The following PALM2AKAP2 variants were observed in gnomAD, a reference collection of about 807,000 sequenced individuals.
PALM2AKAP2 encodes the protein PALM2 and AKAP2 fusion, also known as PALM2-AKAP2 fusion protein.
In PALM2AKAP2, 37 loss-of-function variants were observed where a neutral mutation model predicts 71.5. The observed-to-expected ratio is 0.52, with a 90% CI of 0.40 to 0.68. The LOEUF (loss-of-function observed/expected upper bound fraction) is 0.68. Among genes scored for constraint, PALM2AKAP2 ranks in the 30% least tolerant of loss-of-function variants. PALM2AKAP2 has a pLI of 0.00. For missense variants in PALM2AKAP2, 1,224 were observed against 1,191.8 expected (o/e 1.03, Z -0.40); for synonymous variants, 468 against 478.8 (o/e 0.98, Z 0.29).
rs186017625 is a variant in PALM2AKAP2, at chr9:109,712,680, G to A, written c.6-67808G>A. Among the ~76,000 whole-genome samples, 414 of 152,312 alleles carry A rather than the reference G, an allele frequency of 2.7e-3. 2 individuals are homozygous for A. Among genetic ancestry groups the A allele is most frequent in the African/African-American group, 9.6e-3 (398 of 41,560 alleles). Reference sequence around the variant, plus strand: ...TTGGAAGTTTAGGTGTTAGTAGAAGGAGGCACAGAGGCTTGGAGTTACAGA... The same window carrying A: ...TTGGAAGTTTAGGTGTTAGTAGAAGAAGGCACAGAGGCTTGGAGTTACAGA... On this transcript the variant is annotated intron_variant, in intron 1 of 6. Transcript: ENST00000374531.
intron 1 of PALM2AKAP2, among the ~76,000 whole-genome samples, chr9:109,649,658 A>G (rs1215401736): frequency 6.6e-6 from 1 of 152,218 alleles, no homozygotes; most frequent in Non-Finnish European, 1.5e-5. Context: ...TATAGAATCT[A>G]TGCATGTTAA....
At chr9:110,130,266 A>G (rs1285932470) in intron 1 of PALM2AKAP2, among the ~76,000 whole-genome samples, 1 of 152,238 alleles carries the variant, frequency 6.6e-6, no homozygotes, top group Non-Finnish European at 1.5e-5. Context: ...AGTCCTGCTT[A>G]TGAAGGAGTT....
At chr9:109,808,309 C>T (rs1423577686) in intron 1 of PALM2AKAP2, among the ~76,000 whole-genome samples, 1 of 152,144 alleles carries the variant, frequency 6.6e-6, no homozygotes, top group Non-Finnish European at 1.5e-5. Flanking sequence ...CAATAAAGTC[C>T]AGGCTGACGT....
chr9:109,665,920 G>T (rs375394873), intron 1 of PALM2AKAP2, among the ~76,000 whole-genome samples: 4 of 152,170 alleles, frequency 2.6e-5, no homozygotes, highest in African/African-American at 4.8e-5. Context: ...CCCCAGCCAG[G>T]CTGCTGTCTC....
chr9:109,720,235 T>C (rs1214610740), intron 1 of PALM2AKAP2, among the ~76,000 whole-genome samples: 3 of 152,172 alleles, frequency 2.0e-5, no homozygotes, highest in African/African-American at 7.2e-5. Flanking sequence ...GTCATCTGCC[T>C]GCCTTGGCTT....
rs141554215 is a variant in PALM2AKAP2 at position 110,162,899 on chromosome 9, C to T, written c.2749-5500C>T. Among the ~76,000 whole-genome samples the T allele has an allele frequency of 8.4e-3, 1,277 of 151,658 alleles. 5 individuals are homozygous for T. The highest frequency in any genetic ancestry group is 0.022 in the South Asian group (103 of 4,784). The stretch of plus-strand genomic sequence containing the variant: ...TTTTTTTATATTTTTTTTGTAGGGA[C>T]GGGGGTCTCGCTATGTTGCCCAGGC... On this transcript the variant is annotated intron_variant, in intron 3 of 3. Coordinates refer to ENST00000374525, the Ensembl canonical transcript of PALM2AKAP2.
chr9:110,101,771 T>C (rs1835006959), intron 1 of PALM2AKAP2, among the ~76,000 whole-genome samples: 1 of 152,212 alleles, frequency 6.6e-6, no homozygotes, highest in South Asian at 2.1e-4. Context: ...GTAAGGGAAT[T>C]TCAGCTGAGG....
chr9:109,788,421 G>A (rs1357941691), intron 1 of PALM2AKAP2, among the ~76,000 whole-genome samples: 1 of 152,186 alleles, frequency 6.6e-6, no homozygotes, highest in Non-Finnish European at 1.5e-5. Flanking sequence ...GTATAGAACA[G>A]TAATTCTCAA....
intron 1 of PALM2AKAP2, among the ~76,000 whole-genome samples, chr9:109,787,255 C>T (rs1826997154): frequency 6.6e-6 from 1 of 152,138 alleles, no homozygotes; most frequent in African/African-American, 2.4e-5. Context: ...TGTGATGGTT[C>T]TTTTAGAGGT....
chr9:110,119,006 C>T (rs947560363), intron 1 of PALM2AKAP2, among the ~76,000 whole-genome samples: 3 of 152,096 alleles, frequency 2.0e-5, no homozygotes, highest in Non-Finnish European at 2.9e-5. Flanking sequence ...TATCATAGAG[C>T]TGGGAGTTCT....
At chr9:110,019,501 G>A (rs959275423) in intron 7 of PALM2AKAP2, among the ~76,000 whole-genome samples, 5 of 152,142 alleles carry the variant, frequency 3.3e-5, no homozygotes, top group Non-Finnish European at 7.3e-5. Flanking sequence ...TCACACTCAT[G>A]TTTTCTGTAG....
intron 1 of PALM2AKAP2, among the ~76,000 whole-genome samples, chr9:109,813,993 A>G (rs1038862195): frequency 4.6e-5 from 7 of 152,066 alleles, no homozygotes; most frequent in African/African-American, 1.7e-4. Context: ...TCACTCCCAC[A>G]TTCTGGACTC....
intron 1 of PALM2AKAP2, among the ~76,000 whole-genome samples, chr9:109,725,574 G>A (rs1029171638): frequency 8.5e-5 from 13 of 152,152 alleles, no homozygotes; most frequent in African/African-American, 1.7e-4. Context: ...GGTATGACTC[G>A]TAAGAAAAAG....
chr9:109,833,652 A>C (rs908138192), intron 1 of PALM2AKAP2, among the ~76,000 whole-genome samples: 4 of 152,174 alleles, frequency 2.6e-5, no homozygotes, highest in Non-Finnish European at 5.9e-5. Flanking sequence ...TGGTGGGACA[A>C]TTCTTCACTG....
intron 1 of PALM2AKAP2, among the ~76,000 whole-genome samples, chr9:109,783,076 G>A (rs1305797748): frequency 6.6e-6 from 1 of 152,074 alleles, no homozygotes; most frequent in East Asian, 1.9e-4. Flanking sequence ...AGAATCGACT[G>A]GGATTCCAGT....
chr9:110,162,873 A>AT (rs954090766), intron 3 of PALM2AKAP2, among the ~76,000 whole-genome samples: 1 of 151,648 alleles, frequency 6.6e-6, no homozygotes, highest in African/African-American at 2.4e-5. Flanking sequence ...CAGCTAATTT[A>AT]TTTTTTTATA....
At chr9:109,737,563 C>T (rs1828655659) in intron 1 of PALM2AKAP2, among the ~76,000 whole-genome samples, 1 of 152,172 alleles carries the variant, frequency 6.6e-6, no homozygotes, top group African/African-American at 2.4e-5. Flanking sequence ...AAGAAGCAAG[C>T]CAGGCACACA....
At position 109,813,123 on chromosome 9, in the gene PALM2AKAP2, C is replaced by T. The variant is rs576056708; in HGVS notation, c.45+32590C>T. Among the ~76,000 whole-genome samples, 22 of 152,318 alleles carry T rather than the reference C, an allele frequency of 1.4e-4. No homozygotes were observed. In the South Asian group the frequency reaches 4.4e-3, roughly 30 times the overall value. ...ATAGCAGCTGAAAACATTTCCAGAGCAGATCAGATAAAGCCAAGTTAGAAA... is the reference window on the plus strand; with the variant it reads ...ATAGCAGCTGAAAACATTTCCAGAGTAGATCAGATAAAGCCAAGTTAGAAA... On this transcript the variant is annotated intron_variant, in intron 1 of 9. Coordinates refer to the PALM2AKAP2 transcript ENST00000302798.
intron 7 of PALM2AKAP2, among the ~76,000 whole-genome samples, chr9:110,022,798 A>C (rs1238047715): frequency 6.7e-6 from 1 of 150,250 alleles, no homozygotes; most frequent in African/African-American, 2.5e-5. Context: ...CTCATTGTTC[A>C]GTTCCCACCT....
Sources: allele counts gnomAD v4.1 joint callset (sites outside exome capture counted in the v4.1 genomes callset), GRCh38; gene constraint gnomAD v4.1.1; transcripts MANE v1.5; gene names NCBI Gene and HGNC (gene_info 2026-07-23, HGNC 2026-07-21).